Variants in SSBP3 observed in about 807,000 individuals in gnomAD.
SSBP3 encodes single stranded DNA binding protein 3.
Under a neutral mutation model 69.6 loss-of-function variants are expected in SSBP3, and 5 were observed. The ratio of observed to expected loss-of-function variants is 0.07; its 90% CI spans 0.04 to 0.15. The LOEUF is 0.15. Ranked by LOEUF, SSBP3 falls within the 10% of genes least tolerant of loss-of-function variation. SSBP3 has a pLI of 1.00. For missense variants in SSBP3, 312 were observed against 534.0 expected (o/e 0.58, Z 4.10); for synonymous variants, 196 against 193.4 (o/e 1.01, Z -0.11).
At chr1:54,232,203 T>C (rs1251989109) in intron 14 of SSBP3, among the ~76,000 whole-genome samples, 1 of 152,258 alleles carries the variant, frequency 6.6e-6, no homozygotes, top group East Asian at 1.9e-4. Context: ...ATGATTGATA[T>C]GTATGAGGAA....
At chr1:54,401,312 G>A (rs1272372416) in intron 4 of SSBP3, among the ~76,000 whole-genome samples, 1 of 152,010 alleles carries the variant, frequency 6.6e-6, no homozygotes, top group African/African-American at 2.4e-5. Context: ...ACAAGATTAT[G>A]AACTAGCTGA....
At chr1:54,227,034 C>T (rs566587497) in exon 18 of SSBP3, 1 of 1,030,052 alleles carries the variant, frequency 9.7e-7, no homozygotes, top group Non-Finnish European at 1.5e-6. Flanking sequence ...ATGCCCTCCC[C>T]ACCAGCTCCT....
At chr1:54,228,153 G>C (rs751443452) in intron 17 of SSBP3, 102 bp downstream of exon 17, 4 of 1,083,680 alleles carry the variant, frequency 3.7e-6, no homozygotes, top group South Asian at 1.3e-5. Context: ...ACGGCCACCA[G>C]CTTAGCTGGC....
chr1:54,329,881 G>A (rs1009065310), intron 4 of SSBP3, among the ~76,000 whole-genome samples: 4 of 152,146 alleles, frequency 2.6e-5, no homozygotes, highest in South Asian at 2.1e-4. Flanking sequence ...GGAGTACGGA[G>A]GGGAGAGGAA....
chr1:54,278,911 T>C (rs761465942), intron 5 of SSBP3, among the ~76,000 whole-genome samples: 1 of 152,230 alleles, frequency 6.6e-6, no homozygotes, highest in Non-Finnish European at 1.5e-5. Context: ...CAGCAATCAA[T>C]AGCTAATATT....
intron 4 of SSBP3, among the ~76,000 whole-genome samples, chr1:54,368,772 A>G (rs1221694602): frequency 6.6e-6 from 1 of 152,182 alleles, no homozygotes; most frequent in African/African-American, 2.4e-5. Flanking sequence ...AGAGCTGGGA[A>G]AGCTGATAGA....
Position 54,349,155 on chromosome 1 carries a change from C to T in SSBP3, c.276+52706G>A, listed in dbSNP as rs118016471. 2.7e-4 allele frequency among the ~76,000 whole-genome samples: 41 copies of T among 152,278 alleles called. 1 individual carries two copies. The East Asian group carries it at 6.0e-3, about 22-fold the overall frequency. Reference sequence around the variant, plus strand: ...AAAACACCCAGCATAATGTTGGGCACATCAAAAAGAGCCACTATGGAGGAG... The same window carrying T: ...AAAACACCCAGCATAATGTTGGGCATATCAAAAAGAGCCACTATGGAGGAG... On this transcript the variant is annotated intron_variant, in intron 4 of 17. Coordinates refer to ENST00000610401, the Ensembl canonical transcript of SSBP3.
chr1:54,353,672 G>A (rs559259777), intron 4 of SSBP3, among the ~76,000 whole-genome samples: 1 of 152,276 alleles, frequency 6.6e-6, no homozygotes, highest in South Asian at 2.1e-4. Flanking sequence ...GGCTGCTCTC[G>A]AGGGCTGGCC....
At chr1:54,268,372 C>T (rs759785425) in intron 5 of SSBP3, among the ~76,000 whole-genome samples, 1 of 152,260 alleles carries the variant, frequency 6.6e-6, no homozygotes, top group Non-Finnish European at 1.5e-5. Context: ...AGGTGATGTG[C>T]ATATTAAGAA....
Position 54,240,886 on chromosome 1 carries a change from T to C in SSBP3, c.856+19A>G. The C allele has an allele frequency of 6.2e-7, 1 of 1,612,502 alleles. No homozygotes were observed. On this transcript the variant is annotated intron_variant, in intron 13 of 17. Coordinates refer to ENST00000610401, the Ensembl canonical transcript of SSBP3. Reference sequence around the variant, plus strand: ...CCCTCCACCACCAGACCCCCCACTTTCCCCTCAAGCGCTCTTACCTGCGGG... The same window carrying C: ...CCCTCCACCACCAGACCCCCCACTTCCCCCTCAAGCGCTCTTACCTGCGGG...
At chr1:54,284,670 T>A (rs543654731) in intron 4 of SSBP3, among the ~76,000 whole-genome samples, 4 of 152,076 alleles carry the variant, frequency 2.6e-5, no homozygotes, top group Non-Finnish European at 5.9e-5. Context: ...GGTCTCACTA[T>A]GTTGCCCAGG....
chr1:54,239,315 TACC>T, intron 13 of SSBP3, 116 bp from the exon 14 acceptor site: 2 of 758,038 alleles, frequency 2.6e-6, no homozygotes, highest in Non-Finnish European at 4.2e-6. Context: ...TTCCTCTAAG[TACC>T]ACCATTTTCT....
chr1:54,350,623 G>C (rs969253231), intron 4 of SSBP3, among the ~76,000 whole-genome samples: 1 of 152,164 alleles, frequency 6.6e-6, no homozygotes, highest in Non-Finnish European at 1.5e-5. Flanking sequence ...TGATTCATTA[G>C]CACTCCAATC....
At chr1:54,358,662 G>A (rs1646905396) in intron 4 of SSBP3, among the ~76,000 whole-genome samples, 2 of 152,152 alleles carry the variant, frequency 1.3e-5, no homozygotes, top group African/African-American at 2.4e-5. Context: ...AACAACACTG[G>A]GAGACCAGTA....
chr1:54,264,740 A>G (rs1570300737), intron 5 of SSBP3, among the ~76,000 whole-genome samples: 1 of 152,210 alleles, frequency 6.6e-6, no homozygotes, highest in African/African-American at 2.4e-5. Flanking sequence ...AGACGCCATT[A>G]CCACCCAGCC....
chr1:54,249,402 G>C (rs1386820989), intron 9 of SSBP3, among the ~76,000 whole-genome samples: 1 of 152,168 alleles, frequency 6.6e-6, no homozygotes, highest in African/African-American at 2.4e-5. Context: ...ATCACATTGA[G>C]AACTTGACCT....
At chr1:54,266,636 C>A (rs1232402567) in intron 5 of SSBP3, among the ~76,000 whole-genome samples, 1 of 152,172 alleles carries the variant, frequency 6.6e-6, no homozygotes, top group African/African-American at 2.4e-5. Flanking sequence ...TGATTTTAAC[C>A]TCACATTTCT....
rs576632375 is a variant in SSBP3, at chr1:54,309,998, C to T, written c.277-28471G>A. Among the ~76,000 whole-genome samples the T allele has an allele frequency of 9.2e-5, 14 of 152,248 alleles. No homozygotes were observed. In the South Asian group the frequency reaches 2.9e-3, roughly 32 times the overall value. ...AGGCGAGACACAGCATGTAGGGAAG[C>T]CCGGGCAGGCTCCTTCTCCCTGCAC... On this transcript the variant is annotated intron_variant, in intron 4 of 17. Transcript: ENST00000610401.
intron 4 of SSBP3, among the ~76,000 whole-genome samples, chr1:54,338,448 C>A (rs1329004144): frequency 6.6e-6 from 1 of 152,200 alleles, no homozygotes; most frequent in African/African-American, 2.4e-5. Flanking sequence ...CACATGGCTG[C>A]CCGCCTATGC....
Sources: gnomAD v4.1 joint callset for allele counts (sites outside exome capture counted in the v4.1 genomes callset) on GRCh38, gnomAD v4.1.1 for gene constraint, MANE v1.5 for transcripts, NCBI Gene and HGNC (gene_info 2026-07-23, HGNC 2026-07-21) for gene names.